MID1: variants seen among roughly 807,000 people sequenced by gnomAD.
The protein encoded by MID1 is midline 1.
MID1 carries 7 observed loss-of-function variants against 40.4 expected under a neutral mutation model. The observed-to-expected ratio is 0.17, with a 90% CI of 0.10 to 0.33. The LOEUF is 0.33. Ranked by LOEUF, MID1 falls within the 10% of genes least tolerant of loss-of-function variation. MID1 has a pLI of 1.00. For synonymous variants in MID1, 229 were observed against 221.2 expected (o/e 1.04, Z -0.31); for missense variants, 367 against 558.5 (o/e 0.66, Z 3.46).
chrX:10,808,837 T>C (rs2044068573), intron 1 of MID1, among the ~76,000 whole-genome samples: 1 of 111,817 alleles, frequency 8.9e-6, no homozygotes, highest in Non-Finnish European at 1.9e-5. Context: ...GAAGAAAACC[T>C]AGGCAATACT....
chrX:10,542,569 T>G (rs1239074976), intron 2 of MID1, among the ~76,000 whole-genome samples: 1 of 112,364 alleles, frequency 8.9e-6, no homozygotes, highest in African/African-American at 3.2e-5. Context: ...TACTTTCTTT[T>G]TTTATTATCA....
At chrX:10,630,266 G>A (rs1936037659) in intron 1 of MID1, among the ~76,000 whole-genome samples, 1 of 111,675 alleles carries the variant, frequency 9.0e-6, no homozygotes, top group Non-Finnish European at 1.9e-5. Context: ...ATTGTATGTG[G>A]GGTAAGGAGT....
intron 1 of MID1, among the ~76,000 whole-genome samples, chrX:10,771,658 ATTT>A (rs765034374): frequency 1.3e-4 from 11 of 82,266 alleles, no homozygotes; most frequent in African/African-American, 4.7e-4. Flanking sequence ...TGCCTGGCTA[ATTT>A]TTTTTTTTTT....
At chrX:10,802,788 A>G (rs1277539106) in intron 1 of MID1, among the ~76,000 whole-genome samples, 1 of 111,990 alleles carries the variant, frequency 8.9e-6, no homozygotes, top group African/African-American at 3.3e-5. Flanking sequence ...GTGCCTATCA[A>G]TGGTGGACTG....
chrX:10,777,496 C>CT (rs1478734621), intron 1 of MID1, among the ~76,000 whole-genome samples: 1 of 109,913 alleles, frequency 9.1e-6, no homozygotes, highest in African/African-American at 3.3e-5. Flanking sequence ...CACACCAGGC[C>CT]TTTTTTTCTT....
intron 1 of MID1, among the ~76,000 whole-genome samples, chrX:10,629,632 G>T (rs1051391856): frequency 8.9e-6 from 1 of 112,365 alleles, no homozygotes; most frequent in East Asian, 2.8e-4. Context: ...AAAGATGTTG[G>T]TATTGTGCTA....
chrX:10,549,837 C>T (rs1282627502), intron 2 of MID1, among the ~76,000 whole-genome samples: 1 of 112,367 alleles, frequency 8.9e-6, no homozygotes, highest in Non-Finnish European at 1.9e-5. Context: ...GATGGCCCTT[C>T]GAGCTCAGCG....
At chrX:10,764,088 T>C (rs1416436461) in intron 1 of MID1, among the ~76,000 whole-genome samples, 2 of 112,183 alleles carry the variant, frequency 1.8e-5, no homozygotes, top group African/African-American at 6.5e-5. Flanking sequence ...ATGGGTAGAT[T>C]GTAAACATTT....
intron 1 of MID1, among the ~76,000 whole-genome samples, chrX:10,794,156 A>T (rs2043953293): frequency 8.9e-6 from 1 of 112,164 alleles, no homozygotes; most frequent in African/African-American, 3.2e-5. Flanking sequence ...CTAAATGATG[A>T]AAGATATAAA....
At chrX:10,634,838 G>A (rs922752920) in intron 1 of MID1, among the ~76,000 whole-genome samples, 1 of 112,356 alleles carries the variant, frequency 8.9e-6, no homozygotes, top group Non-Finnish European at 1.9e-5. Context: ...TGAGTCATGC[G>A]ATACATTTGC....
At chrX:10,798,881 G>T (rs1055809701) in intron 1 of MID1, among the ~76,000 whole-genome samples, 2 of 111,703 alleles carry the variant, frequency 1.8e-5, no homozygotes, top group African/African-American at 6.5e-5. Context: ...AGTCTATCCT[G>T]GGGCCAAATA....
Position 10,777,399 on chromosome X carries a change from G to A in MID1, c.-187+56155C>T, listed in dbSNP as rs1046720030. Among the ~76,000 whole-genome samples, 15 of 107,029 alleles carry A rather than the reference G, an allele frequency of 1.4e-4. No individual in the cohort carries two copies. The East Asian group carries it at 2.1e-3, about 15-fold the overall frequency. The allele number at this position is 107,029 out of a possible 115,157, so 92.9% of individuals were successfully genotyped here. ...ATTTTTAGTAGAGACGGGTTTCACC[G>A]TGTTAGCCAGGATGGTCTCGATCTC... On this transcript the variant is annotated intron_variant, in intron 1 of 10. Coordinates refer to the MID1 transcript ENST00000380785.
intron 1 of MID1, among the ~76,000 whole-genome samples, chrX:10,679,329 C>T (rs1223151753): frequency 9.0e-6 from 1 of 111,129 alleles, no homozygotes; most frequent in Non-Finnish European, 1.9e-5. Context: ...CAGGAACTCT[C>T]GAAGGATCAA....
intron 1 of MID1, among the ~76,000 whole-genome samples, chrX:10,758,126 GC>G (rs1349161199): frequency 4.1e-5 from 4 of 98,476 alleles, no homozygotes; most frequent in African/African-American, 1.8e-4. Flanking sequence ...AGCATGCCCT[GC>G]TTTTTTTTTT....
intron 1 of MID1, among the ~76,000 whole-genome samples, chrX:10,603,068 A>C (rs1273233450): frequency 1.8e-5 from 2 of 112,554 alleles, no homozygotes; most frequent in Non-Finnish European, 3.7e-5. Context: ...ATTATTAAAA[A>C]TGATTTAAGT....
intron 4 of MID1, among the ~76,000 whole-genome samples, chrX:10,487,982 CTTTTTT>C (rs953085669): frequency 1.1e-5 from 1 of 87,952 alleles, no homozygotes; most frequent in African/African-American, 4.2e-5. Flanking sequence ...ACCTACAAGT[CTTTTTT>C]TTTTTTTTTT....
intron 1 of MID1, among the ~76,000 whole-genome samples, chrX:10,746,236 G>A (rs768751505): frequency 1.6e-4 from 18 of 111,703 alleles, no homozygotes; most frequent in Non-Finnish European, 3.4e-4. Flanking sequence ...ATGTATTGAC[G>A]TAGCAGCCTT....
intron 3 of MID1, among the ~76,000 whole-genome samples, chrX:10,503,996 C>G (rs1449887769): frequency 1.8e-5 from 2 of 112,006 alleles, no homozygotes; most frequent in African/African-American, 6.5e-5. Context: ...TAGTAGCATA[C>G]AGAACATGGC....
intron 2 of MID1, among the ~76,000 whole-genome samples, chrX:10,540,047 A>G (rs1275204321): frequency 8.9e-6 from 1 of 112,275 alleles, no homozygotes; most frequent in African/African-American, 3.2e-5. Context: ...CTAAAAATAT[A>G]AAAGTTAGCT....
Sources: allele counts gnomAD v4.1 joint callset (sites outside exome capture counted in the v4.1 genomes callset), GRCh38; gene constraint gnomAD v4.1.1; transcripts MANE v1.5; gene names NCBI Gene and HGNC (gene_info 2026-07-23, HGNC 2026-07-21).